SDK1: variants seen among roughly 807,000 people sequenced by gnomAD.
SDK1 encodes the protein sidekick cell adhesion molecule 1.
Under a neutral mutation model 245.5 loss-of-function variants are expected in SDK1, and 157 were observed. The observed-to-expected ratio is 0.64, with a 90% CI of 0.56 to 0.73. The LOEUF (loss-of-function observed/expected upper bound fraction) is 0.73. Ranked by LOEUF, SDK1 falls within the 30% of genes least tolerant of loss-of-function variation. The pLI is 0.00. For synonymous variants in SDK1, 1,647 were observed against 1,278.5 expected, an observed-to-expected ratio of 1.29 and a Z score of -6.15; for missense variants, 3,583 against 3,002.3, an observed-to-expected ratio of 1.19 and a Z score of -4.52.
chr7:3,576,540 A>G (rs1017573476), intron 1 of SDK1, among the ~76,000 whole-genome samples: 6 of 152,092 alleles, frequency 3.9e-5, no homozygotes, highest in African/African-American at 1.4e-4. Context: ...GTTCATGGCT[A>G]TCCAGAAAAT....
At chr7:4,227,786 G>A (rs899944503) in intron 40 of SDK1, among the ~76,000 whole-genome samples, 8 of 152,224 alleles carry the variant, frequency 5.3e-5, no homozygotes, top group African/African-American at 1.7e-4. Context: ...CCTTCGACGT[G>A]CTGCGCTGGG....
intron 1 of SDK1, among the ~76,000 whole-genome samples, chr7:3,520,663 T>G (rs1360510460): frequency 6.6e-6 from 1 of 151,938 alleles, no homozygotes; most frequent in African/African-American, 2.4e-5. Context: ...ATCTTCTCCT[T>G]AAATAAAAAC....
At chr7:3,672,608 A>G (rs1426768605) in intron 4 of SDK1, among the ~76,000 whole-genome samples, 3 of 142,054 alleles carry the variant, frequency 2.1e-5, no homozygotes, top group Non-Finnish European at 4.5e-5. Flanking sequence ...ATATATATTT[A>G]TATAATATAA....
intron 20 of SDK1, among the ~76,000 whole-genome samples, chr7:4,075,871 T>C (rs1434150838): frequency 6.6e-6 from 1 of 152,034 alleles, no homozygotes; most frequent in Non-Finnish European, 1.5e-5. Flanking sequence ...CAGGCTGGTC[T>C]CCAACTCCTG....
At chr7:3,992,621 C>T (rs559035932) in intron 14 of SDK1, among the ~76,000 whole-genome samples, 5 of 152,218 alleles carry the variant, frequency 3.3e-5, no homozygotes, top group South Asian at 2.1e-4. Flanking sequence ...AAATGCTTAT[C>T]GATTATGATC....
chr7:3,356,152 T>C (rs985658334), intron 1 of SDK1, among the ~76,000 whole-genome samples: 9 of 152,182 alleles, frequency 5.9e-5, no homozygotes, highest in African/African-American at 1.9e-4. Context: ...AGAATGTTGC[T>C]AGGGATTCAC....
At chr7:3,889,200 C>A (rs943473347) in intron 5 of SDK1, among the ~76,000 whole-genome samples, 1 of 152,188 alleles carries the variant, frequency 6.6e-6, no homozygotes, top group Admixed American at 6.5e-5. Flanking sequence ...TCCTTGAGGC[C>A]ATCACACTAT....
chr7:3,573,325 G>A (rs552781284), intron 1 of SDK1, among the ~76,000 whole-genome samples: 5 of 152,236 alleles, frequency 3.3e-5, no homozygotes, highest in East Asian at 1.9e-4. Flanking sequence ...ATGTGATTAC[G>A]CAGAGGCGGG....
intron 1 of SDK1, among the ~76,000 whole-genome samples, chr7:3,345,291 A>C (rs1384170747): frequency 6.6e-6 from 1 of 152,212 alleles, no homozygotes; most frequent in African/African-American, 2.4e-5. Flanking sequence ...AATATCTTCA[A>C]AAGAATACAT....
chr7:3,428,966 C>G lies in SDK1; in HGVS notation c.298+127082C>G, dbSNP rs1415474835. Among the ~76,000 whole-genome samples the G allele has an allele frequency of 2.0e-5, 3 of 152,118 alleles. No homozygotes were observed. In the South Asian group the frequency reaches 6.2e-4, roughly 32 times the overall value. On this transcript the variant is annotated intron_variant, in intron 1 of 44. Coordinates refer to ENST00000404826, the MANE Select transcript of SDK1 (RefSeq NM_152744.4). The stretch of plus-strand genomic sequence containing the variant: ...GTGGGTAGGGATGTTAATGACTGGA[C>G]CTTAAGCTTCAGGGATTCAGAAATA...
intron 1 of SDK1, among the ~76,000 whole-genome samples, chr7:3,615,237 C>A (rs1781729637): frequency 6.6e-6 from 1 of 151,636 alleles, no homozygotes; most frequent in Non-Finnish European, 1.5e-5. Context: ...TTAATAAAGC[C>A]TGTAGCTCAG....
chr7:4,255,280 T>G (rs2128241857), intron 44 of SDK1, among the ~76,000 whole-genome samples: 1 of 152,346 alleles, frequency 6.6e-6, no homozygotes, highest in Admixed American at 6.5e-5. Flanking sequence ...CTGTTCCAAA[T>G]AAAGTCATTT....
At chr7:3,741,178 T>C (rs903450098) in intron 4 of SDK1, among the ~76,000 whole-genome samples, 5 of 152,366 alleles carry the variant, frequency 3.3e-5, no homozygotes, top group African/African-American at 7.2e-5. Flanking sequence ...CTAAGAAATA[T>C]GTCAGAGAGC....
intron 1 of SDK1, among the ~76,000 whole-genome samples, chr7:3,564,149 T>C (rs1421933561): frequency 3.4e-5 from 5 of 148,782 alleles, no homozygotes; most frequent in Non-Finnish European, 7.4e-5. Context: ...AAAAAGTTGG[T>C]AAAAAGAACA....
At chr7:4,028,084 G>A (rs1443465421) in intron 17 of SDK1, among the ~76,000 whole-genome samples, 2 of 152,102 alleles carry the variant, frequency 1.3e-5, no homozygotes, top group Non-Finnish European at 2.9e-5. Context: ...GACAGTGGTG[G>A]TTCTCAGAGA....
At chr7:3,480,541 G>GGACACTTGCCTCCT (rs1781487581) in intron 1 of SDK1, among the ~76,000 whole-genome samples, 2 of 152,200 alleles carry the variant, frequency 1.3e-5, no homozygotes, top group African/African-American at 4.8e-5. Flanking sequence ...GCCTGCCCAT[G>GGACACTTGCCTCCT]GACACTTGCC....
chr7:4,146,058 AC>A, intron 29 of SDK1, 142 bp downstream of exon 29: 1 of 671,044 alleles, frequency 1.5e-6, no homozygotes, highest in Non-Finnish European at 2.5e-6. Flanking sequence ...TTTACAAAGC[AC>A]CCATTGCACC....
rs138803755 is a variant in SDK1 at position 3,953,235 on chromosome 7, T to C, written c.1150+1315T>C. 3.1e-3 allele frequency among the ~76,000 whole-genome samples: 474 copies of C among 151,626 alleles called. 1 individual carries two copies. Among genetic ancestry groups the C allele is most frequent in the Non-Finnish European group, 4.7e-3 (317 of 67,892 alleles). On this transcript the variant is annotated intron_variant, in intron 7 of 44. Coordinates refer to ENST00000404826, the MANE Select transcript of SDK1 (RefSeq NM_152744.4). ...AAGAAAAGGAATACTGCACAAAAGGTGGTTTACCTTGATCACGTCCCATTC... is the reference window on the plus strand; with the variant it reads ...AAGAAAAGGAATACTGCACAAAAGGCGGTTTACCTTGATCACGTCCCATTC...
At chr7:3,331,332 T>C (rs1412859129) in intron 1 of SDK1, among the ~76,000 whole-genome samples, 1 of 152,194 alleles carries the variant, frequency 6.6e-6, no homozygotes, top group Admixed American at 6.5e-5. Flanking sequence ...TATAGACAAG[T>C]GCATGATCCT....
Sources: allele counts gnomAD v4.1 joint callset (sites outside exome capture counted in the v4.1 genomes callset), GRCh38; gene constraint gnomAD v4.1.1; transcripts MANE v1.5; gene names NCBI Gene and HGNC (gene_info 2026-07-23, HGNC 2026-07-21).